Variants in RIMBP2 observed in about 807,000 individuals in gnomAD.
RIMBP2 encodes the protein RIMS binding protein 2.
RIMBP2 carries 48 observed loss-of-function variants against 118.6 expected under a neutral mutation model. The ratio of observed to expected loss-of-function variants is 0.40; its 90% CI spans 0.32 to 0.51. The LOEUF (loss-of-function observed/expected upper bound fraction) is 0.51. Among genes scored for constraint, RIMBP2 ranks in the 20% least tolerant of loss-of-function variants. The probability of loss-of-function intolerance (pLI) is 0.41; values close to 1 mark genes in which losing one functional copy is unlikely to be tolerated. For synonymous variants in RIMBP2, 762 were observed against 742.9 expected, an observed-to-expected ratio of 1.03 and a Z score of -0.42; for missense variants, 1,551 against 1,768.3, an observed-to-expected ratio of 0.88 and a Z score of 2.20.
intron 2 of RIMBP2, among the ~76,000 whole-genome samples, chr12:130,531,268 T>A (rs577156759): frequency 6.6e-6 from 1 of 152,178 alleles, no homozygotes; most frequent in Non-Finnish European, 1.5e-5. Flanking sequence ...CACATACCTG[T>A]ATAACCATGA....
rs906096403 is a variant in RIMBP2 at position 130,571,409 on chromosome 12, T to C, written c.-216-53492A>G. On this transcript the variant is annotated intron_variant, in intron 2 of 22. Transcript: ENST00000690449. ...CTGCCGTGTGTGCTACTGCTACCCA[T>C]AGTAACATTTTTTTTTTTTTTTTTT... Among the ~76,000 whole-genome samples, 41 of 124,098 alleles carry C rather than the reference T, an allele frequency of 3.3e-4. 1 individual carries two copies. The highest frequency in any genetic ancestry group is 5.2e-4 in the Admixed American group (5 of 9,700). 81.4% of individuals were successfully genotyped at this position (124,098 alleles called of 152,430 possible). A position where few individuals can be genotyped will look rare whatever the true frequency, so the allele number is the denominator to read the frequency against.
At chr12:130,510,104 C>A (rs1302852541) in intron 3 of RIMBP2, among the ~76,000 whole-genome samples, 3 of 152,226 alleles carry the variant, frequency 2.0e-5, no homozygotes, top group African/African-American at 7.2e-5. Context: ...CAACCTCCAA[C>A]CTGCGGACAG....
At chr12:130,558,015 A>G (rs571035705) in intron 2 of RIMBP2, among the ~76,000 whole-genome samples, 2 of 152,324 alleles carry the variant, frequency 1.3e-5, no homozygotes, top group East Asian at 3.9e-4. Flanking sequence ...AAACAAGCAA[A>G]TAAGAGGAAA....
chr12:130,470,562 C>T, intron 6 of RIMBP2, 131 bp downstream of exon 6: 1 of 447,932 alleles, frequency 2.2e-6, no homozygotes, highest in Non-Finnish European at 3.7e-6. Flanking sequence ...TGAGAAGACA[C>T]ATGAATGGCA....
At chr12:130,530,242 A>G (rs1332401703) in intron 2 of RIMBP2, among the ~76,000 whole-genome samples, 2 of 152,142 alleles carry the variant, frequency 1.3e-5, no homozygotes, top group African/African-American at 2.4e-5. Context: ...CCGAGACTTG[A>G]TATGTTCAAT....
chr12:130,478,386 C>T (rs901939070), intron 5 of RIMBP2, among the ~76,000 whole-genome samples: 2 of 152,318 alleles, frequency 1.3e-5, no homozygotes, highest in African/African-American at 2.4e-5. Flanking sequence ...CATCACACGG[C>T]GCCTGGTGTG....
At chr12:130,597,018 G>A (rs2059601236) in intron 2 of RIMBP2, among the ~76,000 whole-genome samples, 1 of 152,124 alleles carries the variant, frequency 6.6e-6, no homozygotes, top group African/African-American at 2.4e-5. Flanking sequence ...ATTATTTGTG[G>A]ACAAATTAAT....
intron 1 of RIMBP2, among the ~76,000 whole-genome samples, chr12:130,704,116 C>T (rs1018448242): frequency 2.6e-5 from 4 of 152,214 alleles, no homozygotes; most frequent in East Asian, 1.9e-4. Context: ...ATGGCCAGGT[C>T]GACTTCCCTC....
chr12:130,466,526 G>A (rs1383605678), intron 6 of RIMBP2, among the ~76,000 whole-genome samples: 1 of 152,146 alleles, frequency 6.6e-6, no homozygotes, highest in African/African-American at 2.4e-5. Flanking sequence ...TGTGGGGACC[G>A]TGAAAGGAAA....
chr12:130,520,413 C>A (rs1044104853), intron 2 of RIMBP2, among the ~76,000 whole-genome samples: 2 of 152,066 alleles, frequency 1.3e-5, no homozygotes, highest in African/African-American at 4.8e-5. Context: ...AAAAGCCAGT[C>A]CAGCACTCTG....
At chr12:130,550,333 T>C (rs1359031295) in intron 2 of RIMBP2, among the ~76,000 whole-genome samples, 1 of 152,210 alleles carries the variant, frequency 6.6e-6, no homozygotes, top group Non-Finnish European at 1.5e-5. Flanking sequence ...GTGATGATGT[T>C]CAGAAAGCTT....
chr12:130,560,904 T>C (rs1207426653), intron 2 of RIMBP2, among the ~76,000 whole-genome samples: 2 of 152,210 alleles, frequency 1.3e-5, no homozygotes, highest in Admixed American at 6.5e-5. Flanking sequence ...CAGAACATGA[T>C]GTTCTTTGGG....
intron 3 of RIMBP2, among the ~76,000 whole-genome samples, chr12:130,510,310 G>T (rs982585536): frequency 6.6e-6 from 1 of 152,112 alleles, no homozygotes; most frequent in African/African-American, 2.4e-5. Context: ...GGACAATATG[G>T]TGGCAATTGC....
intron 2 of RIMBP2, among the ~76,000 whole-genome samples, chr12:130,538,163 G>T (rs2054241456): frequency 6.6e-6 from 1 of 151,998 alleles, no homozygotes; most frequent in Non-Finnish European, 1.5e-5. Flanking sequence ...GTTTTACGGG[G>T]CCCCAAGTTA....
At chr12:130,606,187 A>G (rs1258378010) in intron 2 of RIMBP2, among the ~76,000 whole-genome samples, 2 of 152,228 alleles carry the variant, frequency 1.3e-5, no homozygotes, top group Non-Finnish European at 2.9e-5. Context: ...ATAAAAAATA[A>G]AAAAAGATTG....
chr12:130,660,468 T>C (rs1432699566), intron 1 of RIMBP2: 1 of 151,302 alleles, frequency 6.6e-6, no homozygotes, highest in African/African-American at 2.4e-5. Flanking sequence ...GGGAACCGTA[T>C]GAGGGGAAAC....
intron 2 of RIMBP2, among the ~76,000 whole-genome samples, chr12:130,618,739 A>T (rs575064607): frequency 6.6e-6 from 1 of 152,352 alleles, no homozygotes; most frequent in Non-Finnish European, 1.5e-5. Context: ...TCTGTAATGT[A>T]AATAATCTTA....
intron 2 of RIMBP2, among the ~76,000 whole-genome samples, chr12:130,597,605 A>G (rs2059633246): frequency 6.6e-6 from 1 of 152,250 alleles, no homozygotes; most frequent in Admixed American, 6.5e-5. Context: ...AACATGTGAA[A>G]AATCAATCGA....
intron 1 of RIMBP2, among the ~76,000 whole-genome samples, chr12:130,675,244 G>A (rs1279254333): frequency 6.6e-6 from 1 of 152,202 alleles, no homozygotes; most frequent in Non-Finnish European, 1.5e-5. Flanking sequence ...AGGCCTTCGG[G>A]AACGATGGGT....
Sources: allele counts gnomAD v4.1 joint callset (sites outside exome capture counted in the v4.1 genomes callset), GRCh38; gene constraint gnomAD v4.1.1; transcripts MANE v1.5; gene names NCBI Gene and HGNC (gene_info 2026-07-23, HGNC 2026-07-21).